Variants in PPP4R3B observed in about 807,000 individuals in gnomAD.
PPP4R3B encodes protein phosphatase 4 regulatory subunit 3B.
A neutral mutation model predicts 95.4 loss-of-function variants in PPP4R3B; 52 were observed. That is an observed-to-expected ratio of 0.54 (90% CI 0.44 to 0.69). The LOEUF is 0.69. Among genes scored for constraint, PPP4R3B ranks in the 30% least tolerant of loss-of-function variants. The pLI is 0.00. For synonymous variants in PPP4R3B, 407 were observed against 343.9 expected (o/e 1.18, Z -2.03); for missense variants, 1,003 against 1,005.9 (o/e 1.00, Z 0.04).
chr2:55,563,158 G>T (rs72803541), intron 15 of PPP4R3B, among the ~76,000 whole-genome samples: 5,665 of 152,290 alleles, frequency 0.037, 147 homozygotes, highest in South Asian at 0.09. Flanking sequence ...CAAAGGTACC[G>T]ATTTCTTAGG....
chr2:55,594,948 C>G (rs377568483), intron 4 of PPP4R3B, among the ~76,000 whole-genome samples: 3 of 151,368 alleles, frequency 2.0e-5, no homozygotes, highest in East Asian at 3.9e-4. Context: ...TGGTGGGAAA[C>G]GTCGCAAAAT....
intron 3 of PPP4R3B, among the ~76,000 whole-genome samples, chr2:55,600,879 C>G (rs1692469814): frequency 6.6e-6 from 1 of 152,120 alleles, no homozygotes; most frequent in South Asian, 2.1e-4. Flanking sequence ...GGTGCCTAAG[C>G]TGGGCGCTGT....
At chr2:55,559,227 T>C (rs1042646348) in intron 15 of PPP4R3B, among the ~76,000 whole-genome samples, 24 of 151,972 alleles carry the variant, frequency 1.6e-4, no homozygotes, top group African/African-American at 5.3e-4. Flanking sequence ...ATGTCTATAA[T>C]CTTAGCTACT....
chr2:55,587,841 C>T (rs950450208), intron 5 of PPP4R3B, among the ~76,000 whole-genome samples: 15 of 152,148 alleles, frequency 9.9e-5, no homozygotes, highest in African/African-American at 2.9e-4. Context: ...ATTGAGAAAA[C>T]GAAGTAGGCT....
chr2:55,585,816 A>AG (rs1057238141), intron 6 of PPP4R3B, among the ~76,000 whole-genome samples: 1 of 152,160 alleles, frequency 6.6e-6, no homozygotes, highest in African/African-American at 2.4e-5. Flanking sequence ...TCCTGGTGAG[A>AG]GGGGTCTAAC....
At chr2:55,584,834 T>C (rs1212347235) in intron 7 of PPP4R3B, among the ~76,000 whole-genome samples, 1 of 152,218 alleles carries the variant, frequency 6.6e-6, no homozygotes, top group East Asian at 1.9e-4. Context: ...AATCTATTTA[T>C]CTCAATATTG....
At position 55,617,188 on chromosome 2, in the gene PPP4R3B, T is replaced by C. The variant is rs1182653622; in HGVS notation, c.98A>G (p.Glu33Gly). The change falls in exon 1 of 17, where the codon GAG becomes GGG. Residue 33 changes from glutamate (E) to glycine (G), a missense_variant. Glu to Gly is a moderately conservative substitution (Grantham distance 98). Coordinates refer to ENST00000616407, the MANE Select transcript of PPP4R3B (RefSeq NM_001122964.3). ...CAGCAGCGACATCCCCTTGAGCTCC[T>C]CCACGTAAGTGGAGGAGACGTGCCC... ...GTGHVSSTYV[E>G]ELKGMSLLVR... 1.2e-6 allele frequency: 2 copies of C among 1,613,860 alleles called. No homozygotes were observed. The highest frequency in any genetic ancestry group is 1.7e-6 in the Non-Finnish European group (2 of 1,179,876).
At chr2:55,588,401 T>C (rs1015418042) in intron 5 of PPP4R3B, among the ~76,000 whole-genome samples, 20 of 151,088 alleles carry the variant, frequency 1.3e-4, no homozygotes, top group Admixed American at 1.2e-3. Context: ...TAATCCCAGC[T>C]ACTTGGGAGG....
At chr2:55,604,440 A>G (rs1458320065) in intron 2 of PPP4R3B, among the ~76,000 whole-genome samples, 1 of 151,854 alleles carries the variant, frequency 6.6e-6, no homozygotes, top group African/African-American at 2.4e-5. Context: ...TTCACTAACC[A>G]CCTATGTATT....
intron 2 of PPP4R3B, 61 bp downstream of exon 2, chr2:55,615,390 A>T (rs769862448): frequency 1.4e-5 from 17 of 1,201,602 alleles, no homozygotes; most frequent in Non-Finnish European, 2.0e-5. Context: ...CACCTTTGTC[A>T]GATTAATACT....
At chr2:55,557,209 T>C (rs1049197913) in intron 16 of PPP4R3B, among the ~76,000 whole-genome samples, 2 of 152,202 alleles carry the variant, frequency 1.3e-5, no homozygotes, top group Non-Finnish European at 2.9e-5. Flanking sequence ...AATATTCTTT[T>C]TTGAGCAGGG....
intron 2 of PPP4R3B, among the ~76,000 whole-genome samples, chr2:55,606,822 CAAAAAA>C (rs61086185): frequency 2.8e-5 from 3 of 106,976 alleles, no homozygotes; most frequent in South Asian, 2.9e-4. Context: ...GACTTTGCCT[CAAAAAA>C]AAAAAAAAAA....
intron 3 of PPP4R3B, among the ~76,000 whole-genome samples, chr2:55,600,252 C>T (rs1692354689): frequency 6.6e-6 from 1 of 151,764 alleles, no homozygotes; most frequent in African/African-American, 2.4e-5. Flanking sequence ...CATGGAGAAA[C>T]CCTGTCTCTA....
At chr2:55,567,743 A>G (rs1403484397) in intron 13 of PPP4R3B, among the ~76,000 whole-genome samples, 2 of 152,110 alleles carry the variant, frequency 1.3e-5, no homozygotes, top group East Asian at 1.9e-4. Context: ...CCATCTTTCT[A>G]TTCTTTTTAA....
chr2:55,567,899 G>C lies in PPP4R3B; in HGVS notation c.1935+295C>G, dbSNP rs546959714. On this transcript the variant is annotated intron_variant, in intron 13 of 16. Transcript: ENST00000616407. ...GAACTGAGAAAATCAAGTAAATATG[G>C]GCTGAAAGACTATGCTGAATTTCAC... is the stretch of plus-strand genomic sequence containing the variant. The C allele has an allele frequency of 3.6e-4, 60 of 166,632 alleles. 1 individual carries two copies. The highest frequency in any genetic ancestry group is 7.2e-4 in the Non-Finnish European group (56 of 78,026). The allele number at this position is 166,632 out of a possible 1,614,324, so 10.3% of individuals were successfully genotyped here.
chr2:55,598,838 C>T lies in PPP4R3B; in HGVS notation c.499G>A (p.Glu167Lys). The T allele has an allele frequency of 1.2e-6, 2 of 1,614,198 alleles. No homozygotes were observed. Among genetic ancestry groups the T allele is most frequent in the South Asian group, 2.2e-5 (2 of 91,084 alleles). Reference protein sequence around the residue: ...IRREKLALALENEGYIKKLLQ... With the variant: ...IRREKLALALKNEGYIKKLLQ... ...AGTTTTTTAATATAGCCTTCATTTT[C>T]CAAGGCGAGAGCCAGCTTTTCCCTA... The change falls in exon 4 of 17, where the codon GAA becomes AAA. Residue 167 changes from glutamate to lysine, a missense_variant. This residue lies in a region of PPP4R3B where 695 missense variants were observed against 686.2 expected (regional missense o/e 1.01). Transcript: ENST00000616407.
At chr2:55,564,157 A>T (rs182791953) in intron 15 of PPP4R3B, among the ~76,000 whole-genome samples, 156 bp downstream of exon 15, 101 of 152,360 alleles carry the variant, frequency 6.6e-4, no homozygotes, top group African/African-American at 2.4e-3. Flanking sequence ...TCCCAGACAG[A>T]TTTGGAAAAA....
intron 5 of PPP4R3B, among the ~76,000 whole-genome samples, chr2:55,587,227 A>T (rs1323835782): frequency 6.6e-6 from 1 of 152,240 alleles, no homozygotes; most frequent in East Asian, 1.9e-4. Flanking sequence ...ATATACTTTT[A>T]ATGGGGTGCC....
Position 55,581,468 on chromosome 2 carries a change from C to T in PPP4R3B, c.1365+99G>A, listed in dbSNP as rs1347655611. The T allele has an allele frequency of 4.7e-6, 6 of 1,280,440 alleles. No homozygotes were observed. In the East Asian group the frequency reaches 1.2e-4, roughly 26 times the overall value. 79.3% of individuals were successfully genotyped at this position (1,280,440 alleles called of 1,614,324 possible). On this transcript the variant is annotated intron_variant, in intron 8 of 16. Coordinates refer to ENST00000616407, the MANE Select transcript of PPP4R3B (RefSeq NM_001122964.3). ...AATACCACTGCTACTTAAATACCAA[C>T]TGGACAAATACTTAAAATACTTGTT...
Sources: allele counts gnomAD v4.1 joint callset (sites outside exome capture counted in the v4.1 genomes callset), GRCh38; gene constraint gnomAD v4.1.1; regional missense constraint gnomAD v4.1.1; transcripts MANE v1.5; gene names NCBI Gene and HGNC (gene_info 2026-07-23, HGNC 2026-07-21).